RARB: variants seen among roughly 807,000 people sequenced by gnomAD.
RARB encodes the protein HBV-activated protein.
In RARB, 17 loss-of-function variants were observed where a neutral mutation model predicts 51.9. The ratio of observed to expected loss-of-function variants is 0.33; its 90% CI spans 0.22 to 0.49. The LOEUF (loss-of-function observed/expected upper bound fraction) is 0.49, where lower values mean the gene tolerates loss of function less well. Among genes scored for constraint, RARB ranks in the 20% least tolerant of loss-of-function variants. The probability of loss-of-function intolerance (pLI) is 0.99; values close to 1 mark genes in which losing one functional copy is unlikely to be tolerated. For missense variants in RARB, 369 were observed against 550.8 expected, an observed-to-expected ratio of 0.67 and a Z score of 3.30; for synonymous variants, 215 against 195.4, an observed-to-expected ratio of 1.10 and a Z score of -0.84.
rs1441116428 is a variant in RARB at position 25,371,548 on chromosome 3, CA to C, written c.179-89643del. On this transcript the variant is annotated intron_variant, in intron 5 of 11. Coordinates refer to the RARB transcript ENST00000383772. ...ATTAATGAAGAAATAAATGAATTTT[CA>C]AGCCAGTAGAAAAAATATTGCCAAT... Among the ~76,000 whole-genome samples, 6 of 152,318 alleles carry C rather than the reference CA, an allele frequency of 3.9e-5. No homozygotes were observed. The East Asian group carries it at 1.2e-3, about 29-fold the overall frequency.
At chr3:25,538,806 A>G (rs1699247557) in intron 3 of RARB, among the ~76,000 whole-genome samples, 1 of 152,260 alleles carries the variant, frequency 6.6e-6, no homozygotes, top group Admixed American at 6.5e-5. Flanking sequence ...GAGATGCTGT[A>G]CAACAGGTTT....
intron 2 of RARB, among the ~76,000 whole-genome samples, chr3:25,500,454 GTTTTTTTTTT>G (rs753321842): frequency 0.015 from 962 of 66,160 alleles, 9 homozygotes; most frequent in African/African-American, 0.051. Context: ...TTCTTTTCTT[GTTTTTTTTTT>G]TTTTTTTTTT....
At chr3:25,023,310 C>A (rs1030154313) in intron 2 of RARB, among the ~76,000 whole-genome samples, 1 of 152,098 alleles carries the variant, frequency 6.6e-6, no homozygotes, top group Non-Finnish European at 1.5e-5. Context: ...AATCAAGAAG[C>A]CTATTTAATA....
At chr3:25,015,880 TAAATC>T (rs1697498080) in intron 2 of RARB, among the ~76,000 whole-genome samples, 1 of 152,216 alleles carries the variant, frequency 6.6e-6, no homozygotes, top group African/African-American at 2.4e-5. Context: ...TCTACATAAA[TAAATC>T]AAGTCATATC....
At chr3:25,445,543 T>G (rs1288283733) in intron 1 of RARB, among the ~76,000 whole-genome samples, 2 of 152,052 alleles carry the variant, frequency 1.3e-5, no homozygotes, top group African/African-American at 4.8e-5. Flanking sequence ...GGGGCACGCC[T>G]GTAGTCCCAG....
intron 3 of RARB, among the ~76,000 whole-genome samples, chr3:25,095,496 C>G (rs1039869091): frequency 6.6e-5 from 10 of 152,174 alleles, no homozygotes; most frequent in Non-Finnish European, 1.0e-4. Flanking sequence ...AAGCCAACCC[C>G]CTTGGCCATA....
At chr3:25,282,095 A>C (rs1351250552) in intron 5 of RARB, among the ~76,000 whole-genome samples, 1 of 152,244 alleles carries the variant, frequency 6.6e-6, no homozygotes, top group Non-Finnish European at 1.5e-5. Context: ...AGTTTAGTAA[A>C]GGAAAGAGAG....
intron 5 of RARB, among the ~76,000 whole-genome samples, chr3:25,226,311 G>C (rs756722586): frequency 6.6e-6 from 1 of 152,096 alleles, no homozygotes; most frequent in Non-Finnish European, 1.5e-5. Flanking sequence ...AATGGAGCTA[G>C]ATTACAATTA....
chr3:24,903,996 G>A (rs1694787620), intron 2 of RARB, among the ~76,000 whole-genome samples: 1 of 152,160 alleles, frequency 6.6e-6, no homozygotes, highest in Non-Finnish European at 1.5e-5. Flanking sequence ...TTATAAAGAT[G>A]GCCTTGGTTT....
chr3:25,529,228 A>C (rs1698791447), intron 3 of RARB, among the ~76,000 whole-genome samples: 1 of 152,142 alleles, frequency 6.6e-6, no homozygotes, highest in Non-Finnish European at 1.5e-5. Context: ...GTATGTGTAC[A>C]TGTGATGTGT....
chr3:25,417,742 TTTC>T (rs1454838820), intron 5 of RARB, among the ~76,000 whole-genome samples: 7 of 152,354 alleles, frequency 4.6e-5, no homozygotes, highest in Non-Finnish European at 7.3e-5. Context: ...AAATACTATC[TTTC>T]TTCTTCTTTT....
chr3:25,265,493 G>A (rs925509149), intron 5 of RARB, among the ~76,000 whole-genome samples: 1 of 152,098 alleles, frequency 6.6e-6, no homozygotes, highest in African/African-American at 2.4e-5. Context: ...ATTGTTTTGA[G>A]ACAGAGTCTT....
At chr3:25,271,627 T>C (rs1391255888) in intron 5 of RARB, among the ~76,000 whole-genome samples, 1 of 152,184 alleles carries the variant, frequency 6.6e-6, no homozygotes, top group Non-Finnish European at 1.5e-5. Context: ...CTTGGGAGCA[T>C]CTGAGAGGAA....
chr3:25,119,850 C>T (rs554466494), intron 3 of RARB, among the ~76,000 whole-genome samples: 68 of 152,110 alleles, frequency 4.5e-4, no homozygotes, highest in African/African-American at 1.5e-3. Flanking sequence ...AATGAATGGG[C>T]ATTTGCACTT....
chr3:25,382,610 C>A (rs941466051), intron 5 of RARB, among the ~76,000 whole-genome samples: 1 of 152,316 alleles, frequency 6.6e-6, no homozygotes, highest in Non-Finnish European at 1.5e-5. Flanking sequence ...AATCCCAGCA[C>A]TTTGGGAGGC....
intron 5 of RARB, among the ~76,000 whole-genome samples, chr3:25,219,839 A>T (rs1393455719): frequency 1.3e-5 from 2 of 152,226 alleles, no homozygotes; most frequent in African/African-American, 4.8e-5. Context: ...AGAGGTTTTT[A>T]ACTCATCCAA....
In RARB at chr3:25,057,783, A is replaced by G. The variant is rs570600767; in HGVS notation, c.-379-2342A>G. ...ACTATTCCAAATGATTGAGAAAGCT[A>G]AACTATCATTTTAAAATAAATTGAA... is the stretch of plus-strand genomic sequence containing the variant. On this transcript the variant is annotated intron_variant, in intron 2 of 11. Transcript: ENST00000383772. 4.6e-5 allele frequency among the ~76,000 whole-genome samples: 7 copies of G among 152,158 alleles called. 1 individual carries two copies. Among genetic ancestry groups the G allele is most frequent in the South Asian group, 4.1e-4 (2 of 4,826 alleles).
intron 2 of RARB, among the ~76,000 whole-genome samples, chr3:24,869,714 T>G (rs1702912414): frequency 6.6e-6 from 1 of 152,090 alleles, no homozygotes; most frequent in Admixed American, 6.6e-5. Flanking sequence ...TTAAAATATT[T>G]TTAAATTTTT....
rs867278539 is a variant in RARB at position 24,925,645 on chromosome 3, T to C, written c.-380+66893T>C. Among the ~76,000 whole-genome samples, 469 of 123,580 alleles carry C rather than the reference T, an allele frequency of 3.8e-3. 3 individuals are homozygous for C. Among genetic ancestry groups the C allele is most frequent in the African/African-American group, 0.02 (440 of 22,246 alleles). 81.1% of individuals were successfully genotyped at this position (123,580 alleles called of 152,430 possible). A position where few individuals can be genotyped will look rare whatever the true frequency, so the allele number is the denominator to read the frequency against. On this transcript the variant is annotated intron_variant, in intron 2 of 11. Coordinates refer to the RARB transcript ENST00000383772. ...TGGGTGACAGAGCCAGATCCTGTCT[T>C]TTTTTTTTTTAAAAAAAAAAAAAAA... is the stretch of plus-strand genomic sequence containing the variant.
Sources: gnomAD v4.1 joint callset for allele counts (sites outside exome capture counted in the v4.1 genomes callset) on GRCh38, gnomAD v4.1.1 for gene constraint, MANE v1.5 for transcripts, NCBI Gene and HGNC (gene_info 2026-07-23, HGNC 2026-07-21) for gene names.